Variants in THSD7B observed in about 807,000 individuals in gnomAD.
THSD7B encodes the protein thrombospondin type-1 domain-containing protein 7B.
Under a neutral mutation model 213.6 loss-of-function variants are expected in THSD7B, and 138 were observed. The ratio of observed to expected loss-of-function variants is 0.65; its 90% CI spans 0.56 to 0.74. The LOEUF is 0.74. THSD7B is among the 30% of genes least tolerant of loss of function. The pLI is 0.00. For missense variants in THSD7B, 1,931 were observed against 1,991.5 expected, an observed-to-expected ratio of 0.97 and a Z score of 0.58; for synonymous variants, 742 against 687.0, an observed-to-expected ratio of 1.08 and a Z score of -1.25.
chr2:137,264,483 C>A (rs968058819), intron 10 of THSD7B, among the ~76,000 whole-genome samples: 1 of 152,060 alleles, frequency 6.6e-6, no homozygotes, highest in Admixed American at 6.5e-5. Context: ...CTCCTGACCT[C>A]GTGATCCGCC....
chr2:136,996,314 T>TG (rs1685887881), intron 2 of THSD7B, among the ~76,000 whole-genome samples: 4 of 152,232 alleles, frequency 2.6e-5, no homozygotes, highest in South Asian at 2.1e-4. Context: ...TCCCTGTCTC[T>TG]TTCTTTCTTT....
chr2:137,407,569 T>A (rs1686556217), intron 13 of THSD7B, among the ~76,000 whole-genome samples: 1 of 152,204 alleles, frequency 6.6e-6, no homozygotes, highest in Admixed American at 6.5e-5. Flanking sequence ...TGTATTTTGT[T>A]ATCTCTAAGT....
chr2:137,512,417 G>T (rs1679981863), intron 15 of THSD7B, among the ~76,000 whole-genome samples: 1 of 102,614 alleles, frequency 9.7e-6, no homozygotes, highest in Non-Finnish European at 1.8e-5. Flanking sequence ...TTTGAGACAA[G>T]GTCTTACTCT....
intron 12 of THSD7B, among the ~76,000 whole-genome samples, chr2:137,309,787 G>A (rs1349707954): frequency 6.6e-6 from 1 of 152,060 alleles, no homozygotes; most frequent in Admixed American, 6.5e-5. Context: ...ATAGTTTACT[G>A]AGAATGATGA....
chr2:136,882,127 T>C lies in THSD7B; in HGVS notation c.-35-17T>C. 2.8e-6 allele frequency: 4 copies of C among 1,428,620 alleles called. No individual in the cohort carries two copies. The highest frequency in any genetic ancestry group is 3.7e-6 in the Non-Finnish European group (4 of 1,088,930). The allele number at this position is 1,428,620 out of a possible 1,614,324, so 88.5% of individuals were successfully genotyped here. On this transcript the variant is annotated splice_polypyrimidine_tract_variant and intron_variant, in intron 1 of 27. Coordinates refer to ENST00000409968, the MANE Select transcript of THSD7B (RefSeq NM_001316349.2). The stretch of plus-strand genomic sequence containing the variant: ...TTTACAGAAGAAACTTACCTGATTT[T>C]TCTTTTTCTCTTTTAGGAATAGGCA...
At chr2:136,901,954 G>C (rs1684070779) in intron 2 of THSD7B, among the ~76,000 whole-genome samples, 1 of 152,156 alleles carries the variant, frequency 6.6e-6, no homozygotes. Context: ...AGAACCTAAG[G>C]CCCAAAATCA....
chr2:136,832,422 A>C (rs1244313050), intron 1 of THSD7B, among the ~76,000 whole-genome samples: 1 of 152,174 alleles, frequency 6.6e-6, no homozygotes, highest in African/African-American at 2.4e-5. Context: ...GCATTCAGTC[A>C]GAAGGGACAA....
At chr2:137,089,113 A>C (rs1687897514) in intron 3 of THSD7B, among the ~76,000 whole-genome samples, 1 of 152,036 alleles carries the variant, frequency 6.6e-6, no homozygotes, top group Non-Finnish European at 1.5e-5. Context: ...CAGCAATCCT[A>C]CTACCCAGAG....
intron 15 of THSD7B, among the ~76,000 whole-genome samples, chr2:137,548,474 C>G (rs1176879749): frequency 1.3e-5 from 2 of 151,994 alleles, no homozygotes; most frequent in Non-Finnish European, 2.9e-5. Context: ...ACACTCTCAT[C>G]TCCCTCACAT....
intron 14 of THSD7B, among the ~76,000 whole-genome samples, chr2:137,425,808 A>G (rs1372380952): frequency 6.6e-6 from 1 of 152,176 alleles, no homozygotes; most frequent in African/African-American, 2.4e-5. Flanking sequence ...TGCCACTTCT[A>G]CTTAACATAG....
At chr2:137,242,618 G>A in intron 10 of THSD7B, 46 bp downstream of exon 10, 1 of 1,422,072 alleles carries the variant, frequency 7.0e-7, no homozygotes, top group Non-Finnish European at 9.9e-7. Flanking sequence ...TAACCTGATT[G>A]TTTCTCCACA....
At chr2:137,665,823 G>C (rs1001020768) in intron 26 of THSD7B, among the ~76,000 whole-genome samples, 9 of 152,138 alleles carry the variant, frequency 5.9e-5, no homozygotes, top group Admixed American at 5.2e-4. Flanking sequence ...AGAAGAGGTA[G>C]ACCTTCTTTT....
At chr2:137,424,962 C>G (rs1687011730) in intron 14 of THSD7B, among the ~76,000 whole-genome samples, 1 of 151,668 alleles carries the variant, frequency 6.6e-6, no homozygotes, top group African/African-American at 2.4e-5. Context: ...GTCCCAGCTA[C>G]TTGGGAGGCT....
chr2:137,211,336 A>ACACAGAGG (rs1681099150), intron 7 of THSD7B, among the ~76,000 whole-genome samples: 1 of 77,264 alleles, frequency 1.3e-5, no homozygotes, highest in Admixed American at 1.4e-4. Flanking sequence ...CTTCCTACAC[A>ACACAGAGG]CACACACACA....
At chr2:136,889,511 C>G (rs1248862291) in intron 2 of THSD7B, among the ~76,000 whole-genome samples, 2 of 152,190 alleles carry the variant, frequency 1.3e-5, no homozygotes, top group African/African-American at 4.8e-5. Flanking sequence ...ACAAACAGTG[C>G]CCATACTCTT....
chr2:137,427,780 C>T (rs940353731), intron 14 of THSD7B, among the ~76,000 whole-genome samples: 48 of 152,164 alleles, frequency 3.2e-4, no homozygotes, highest in African/African-American at 1.1e-3. Flanking sequence ...TCATGGCAAT[C>T]ATAGTTAATA....
intron 1 of THSD7B, among the ~76,000 whole-genome samples, chr2:136,787,935 G>A (rs1393247756): frequency 6.6e-6 from 1 of 152,152 alleles, no homozygotes; most frequent in East Asian, 1.9e-4. Flanking sequence ...TGATTAGTGT[G>A]TAGCCTGTGT....
intron 15 of THSD7B, among the ~76,000 whole-genome samples, chr2:137,516,493 A>G (rs1368728511): frequency 6.6e-6 from 1 of 152,192 alleles, no homozygotes; most frequent in Non-Finnish European, 1.5e-5. Context: ...TGGGGAAAGG[A>G]AAATGATCAA....
At chr2:137,257,848 G>A (rs555045367) in intron 10 of THSD7B, among the ~76,000 whole-genome samples, 13 of 152,242 alleles carry the variant, frequency 8.5e-5, no homozygotes, top group South Asian at 2.1e-4. Context: ...GCAACAAAGC[G>A]GAATGCACAC....
Sources: gnomAD v4.1 joint callset for allele counts (sites outside exome capture counted in the v4.1 genomes callset) on GRCh38, gnomAD v4.1.1 for gene constraint, MANE v1.5 for transcripts, NCBI Gene and HGNC (gene_info 2026-07-23, HGNC 2026-07-21) for gene names.